The following GRIK3 variants were observed in gnomAD, a reference collection of about 807,000 sequenced individuals.
GRIK3 encodes glutamate receptor ionotropic, kainate 3.
GRIK3 carries 29 observed loss-of-function variants against 102.5 expected under a neutral mutation model. The ratio of observed to expected loss-of-function variants is 0.28; its 90% CI spans 0.21 to 0.39. The LOEUF is 0.39. Among genes scored for constraint, GRIK3 ranks in the 10% least tolerant of loss-of-function variants. The pLI is 1.00. For missense variants in GRIK3, 908 were observed against 1,252.4 expected (o/e 0.73, Z 4.15); for synonymous variants, 511 against 504.9 (o/e 1.01, Z -0.16).
chr1:36,988,793 A>C (rs1455237087), intron 1 of GRIK3, among the ~76,000 whole-genome samples: 1 of 152,210 alleles, frequency 6.6e-6, no homozygotes, highest in Non-Finnish European at 1.5e-5. Context: ...CAGATGGCAA[A>C]AGCAGACAAG....
intron 1 of GRIK3, among the ~76,000 whole-genome samples, chr1:37,016,595 C>T (rs2124067708): frequency 6.6e-6 from 1 of 152,144 alleles, no homozygotes; most frequent in African/African-American, 2.4e-5. Flanking sequence ...TTGTTTACTC[C>T]TGAAAATAAA....
At chr1:36,999,251 G>C (rs1642451106) in intron 1 of GRIK3, among the ~76,000 whole-genome samples, 1 of 152,130 alleles carries the variant, frequency 6.6e-6, no homozygotes, top group Non-Finnish European at 1.5e-5. Flanking sequence ...TGAGGGGCAT[G>C]GTCTGGGAAA....
At chr1:37,003,743 T>C (rs988566448) in intron 1 of GRIK3, among the ~76,000 whole-genome samples, 4 of 152,202 alleles carry the variant, frequency 2.6e-5, no homozygotes, top group African/African-American at 9.6e-5. Context: ...GGGTGGGTAC[T>C]AGAGAGCCAG....
intron 7 of GRIK3, among the ~76,000 whole-genome samples, chr1:36,855,049 A>G (rs1372960066): frequency 6.6e-6 from 1 of 152,186 alleles, no homozygotes; most frequent in Admixed American, 6.5e-5. Flanking sequence ...AGGGGCAAGA[A>G]CAAGGCCCAC....
At chr1:36,828,362 G>A (rs2124200691) in intron 10 of GRIK3, among the ~76,000 whole-genome samples, 1 of 152,270 alleles carries the variant, frequency 6.6e-6, no homozygotes, top group Non-Finnish European at 1.5e-5. Context: ...AACTCTCTTG[G>A]TCAACAGTGG....
chr1:36,848,769 CA>C (rs57403491), intron 9 of GRIK3, among the ~76,000 whole-genome samples: 6,362 of 150,252 alleles, frequency 0.042, 438 homozygotes, highest in African/African-American at 0.15. Flanking sequence ...TCATCCTTTA[CA>C]TTTTTACATC....
intron 15 of GRIK3, among the ~76,000 whole-genome samples, chr1:36,802,881 A>G (rs754603853): frequency 4.9e-4 from 74 of 151,824 alleles, no homozygotes; most frequent in Admixed American, 2.0e-3. Flanking sequence ...CCCTTTCCTC[A>G]CCTACTACAT....
intron 13 of GRIK3, among the ~76,000 whole-genome samples, chr1:36,810,031 C>T (rs1288197281): frequency 1.3e-5 from 2 of 152,176 alleles, no homozygotes; most frequent in Admixed American, 1.3e-4. Context: ...TGGGGCCCCC[C>T]TTCTCAACCC....
chr1:36,841,709 C>A, intron 10 of GRIK3, 27 bp downstream of exon 10: 3 of 1,590,586 alleles, frequency 1.9e-6, no homozygotes, highest in Non-Finnish European at 2.6e-6. Flanking sequence ...GGGTCCTGAG[C>A]CCTCCCATGC....
chr1:36,982,968 T>G (rs1435413404), intron 1 of GRIK3, among the ~76,000 whole-genome samples: 9 of 152,116 alleles, frequency 5.9e-5, no homozygotes, highest in Admixed American at 5.9e-4. Flanking sequence ...CCCGGCTGTC[T>G]CAAGAGCGAG....
At position 36,841,728 on chromosome 1, in the gene GRIK3, A is replaced by G. The variant is rs777892846; in HGVS notation, c.1530+8T>C. On this transcript the variant is annotated splice_region_variant and intron_variant, in intron 10 of 15. Transcript: ENST00000373091. ...CCTGAGCCCTCCCATGCTCCCATCC[A>G]TGCTTACGTGGTCGATGAGCTCCTT... 2.5e-6 allele frequency: 4 copies of G among 1,611,374 alleles called. No individual in the cohort carries two copies. In the Admixed American group the frequency reaches 6.7e-5, roughly 27 times the overall value.
In GRIK3 at chr1:36,997,626, C is replaced by G. The variant is rs776762782; in HGVS notation, c.115+36368G>C. Among the ~76,000 whole-genome samples the G allele has an allele frequency of 6.4e-4, 98 of 152,320 alleles. 2 individuals carry two copies. Among genetic ancestry groups the G allele is most frequent in the Non-Finnish European group, 1.2e-4 (8 of 68,022 alleles). On this transcript the variant is annotated intron_variant, in intron 1 of 15. Transcript: ENST00000373091. ...GGACTCAGTCCAAAGCTGTTGCCAG[C>G]TTCTGGGGAAAGTGAGGGTGGCCAG...
chr1:36,947,642 A>G (rs1390752382), intron 1 of GRIK3, among the ~76,000 whole-genome samples: 1 of 152,112 alleles, frequency 6.6e-6, no homozygotes, highest in Admixed American at 6.6e-5. Context: ...AGATGTGGAA[A>G]GAGCTCACCC....
chr1:36,859,379 C>T (rs1029687558), intron 6 of GRIK3, 128 bp from the exon 7 acceptor site: 9 of 1,013,902 alleles, frequency 8.9e-6, no homozygotes, highest in Admixed American at 2.5e-5. Flanking sequence ...GGCCCAGAGG[C>T]CCTGGAGGTG....
rs180768534 is a variant in GRIK3 at position 36,859,636 on chromosome 1, T to C, written c.960+208A>G. On this transcript the variant is annotated intron_variant, in intron 6 of 15. Transcript: ENST00000373091. The stretch of plus-strand genomic sequence containing the variant: ...TGTTCTTTGTGACCTTTTGCTTACA[T>C]GTCTGGATCCCCATCAGATGGGTCC... Among the ~76,000 whole-genome samples the C allele has an allele frequency of 3.3e-5, 5 of 152,346 alleles. No individual in the cohort carries two copies. The East Asian group carries it at 9.7e-4, about 29-fold the overall frequency.
At chr1:37,010,004 A>G (rs1056965895) in intron 1 of GRIK3, among the ~76,000 whole-genome samples, 1 of 151,840 alleles carries the variant, frequency 6.6e-6, no homozygotes, top group Non-Finnish European at 1.5e-5. Context: ...ACCTAGAAAG[A>G]GGGGGGAGCA....
chr1:37,011,215 G>A (rs1202311759), intron 1 of GRIK3, among the ~76,000 whole-genome samples: 1 of 152,190 alleles, frequency 6.6e-6, no homozygotes, highest in Non-Finnish European at 1.5e-5. Flanking sequence ...TAGACCTAAA[G>A]AAGTCTCAGT....
At chr1:37,009,115 G>A (rs56132351) in intron 1 of GRIK3, among the ~76,000 whole-genome samples, 4,854 of 151,482 alleles carry the variant, frequency 0.032, 259 homozygotes, top group African/African-American at 0.11. Context: ...TATCAACCTC[G>A]AACTGTTGTT....
At chr1:36,930,060 G>A (rs923445793) in intron 1 of GRIK3, among the ~76,000 whole-genome samples, 2 of 152,226 alleles carry the variant, frequency 1.3e-5, no homozygotes, top group African/African-American at 4.8e-5. Context: ...AGGAGAGCAA[G>A]GTGGAGGTGG....
Sources: gnomAD v4.1 joint callset for allele counts (sites outside exome capture counted in the v4.1 genomes callset) on GRCh38, gnomAD v4.1.1 for gene constraint, MANE v1.5 for transcripts, NCBI Gene and HGNC (gene_info 2026-07-23, HGNC 2026-07-21) for gene names.